The following CCNJL variants were observed in gnomAD, a reference collection of about 807,000 sequenced individuals.
CCNJL encodes the protein cyclin J like.
Under a neutral mutation model 33.4 loss-of-function variants are expected in CCNJL, and 33 were observed. That is an observed-to-expected ratio of 0.99 (90% confidence interval 0.75 to 1.32). The LOEUF (loss-of-function observed/expected upper bound fraction) is 1.32, where lower values mean the gene tolerates loss of function less well. Ranked by LOEUF, CCNJL falls within the 40% of genes most tolerant of loss-of-function variation. CCNJL has a pLI of 0.00. For missense variants in CCNJL, 512 were observed against 499.7 expected, an observed-to-expected ratio of 1.02 and a Z score of -0.23; for synonymous variants, 227 against 220.9, an observed-to-expected ratio of 1.03 and a Z score of -0.24.
intron 2 of CCNJL, among the ~76,000 whole-genome samples, chr5:160,301,358 G>A (rs2113424467): frequency 6.6e-6 from 1 of 151,982 alleles, no homozygotes; most frequent in African/African-American, 2.4e-5. Flanking sequence ...AGGACAAAAA[G>A]CACATCAGTG....
At chr5:160,331,953 T>G (rs1312565405) in intron 1 of CCNJL, among the ~76,000 whole-genome samples, 2 of 152,156 alleles carry the variant, frequency 1.3e-5, no homozygotes, top group South Asian at 2.1e-4. Flanking sequence ...ATCATAATAC[T>G]CTGGGGGTGG....
rs1228888324 is a variant in CCNJL, at chr5:160,251,739, AG to A, written c.*1638del. 1.3e-5 allele frequency: 2 copies of A among 152,204 alleles called. No homozygotes were observed. Among genetic ancestry groups the A allele is most frequent in the African/African-American group, 4.8e-5 (2 of 41,440 alleles). 9.4% of individuals were successfully genotyped at this position (152,204 alleles called of 1,614,324 possible). A position where few individuals can be genotyped will look rare whatever the true frequency, so the allele number is the denominator to read the frequency against. ...CTGTGAGGGAACCCTCACAATCCCC[AG>A]GTCCCAGAACAGACAGATACAAGAA... On this transcript the variant is annotated 3_prime_UTR_variant, in exon 6 of 6. Transcript: ENST00000257536.
intron 1 of CCNJL, among the ~76,000 whole-genome samples, chr5:160,321,679 C>T (rs1208186709): frequency 3.3e-5 from 5 of 152,132 alleles, no homozygotes; most frequent in Admixed American, 2.0e-4. Flanking sequence ...CGGTGGCTCA[C>T]GCCTGTAATC....
At chr5:160,304,974 C>T (rs901710732) in intron 2 of CCNJL, among the ~76,000 whole-genome samples, 6 of 152,024 alleles carry the variant, frequency 3.9e-5, no homozygotes, top group Non-Finnish European at 7.4e-5. Flanking sequence ...CCACCACGCC[C>T]GGCTATTTTT....
intron 1 of CCNJL, among the ~76,000 whole-genome samples, chr5:160,322,090 A>T (rs1040849137): frequency 2.0e-5 from 3 of 152,196 alleles, no homozygotes; most frequent in African/African-American, 7.2e-5. Context: ...GATCTTGAGC[A>T]TAGTTAGAAA....
chr5:160,328,234 G>T (rs946759968), intron 1 of CCNJL, among the ~76,000 whole-genome samples: 3 of 152,252 alleles, frequency 2.0e-5, no homozygotes, highest in African/African-American at 7.2e-5. Context: ...TGCCATGGAT[G>T]AGAAGTCATG....
At chr5:160,337,694 C>T (rs55909069) in intron 1 of CCNJL, among the ~76,000 whole-genome samples, 8,904 of 152,106 alleles carry the variant, frequency 0.059, 595 homozygotes, top group African/African-American at 0.16. Flanking sequence ...CATTTTGTGC[C>T]ATTGGAGATT....
At chr5:160,288,904 A>G (rs1762496332) in intron 2 of CCNJL, among the ~76,000 whole-genome samples, 1 of 151,884 alleles carries the variant, frequency 6.6e-6, no homozygotes, top group Admixed American at 6.6e-5. Flanking sequence ...CAGAAGTACT[A>G]CTAGGTTCTA....
intron 2 of CCNJL, among the ~76,000 whole-genome samples, chr5:160,291,715 A>C (rs1317464413): frequency 1.3e-5 from 2 of 152,232 alleles, no homozygotes; most frequent in African/African-American, 4.8e-5. Context: ...CGAGATTAAG[A>C]ACCACAGCTT....
intron 3 of CCNJL, chr5:160,274,846 G>A (rs1286850034): frequency 6.6e-6 from 1 of 152,306 alleles, no homozygotes; most frequent in Non-Finnish European, 1.5e-5. Flanking sequence ...GTTTTCTCAG[G>A]GACAGGCTCA....
chr5:160,333,103 A>G (rs2113483305), intron 1 of CCNJL, among the ~76,000 whole-genome samples: 1 of 151,708 alleles, frequency 6.6e-6, no homozygotes, highest in Non-Finnish European at 1.5e-5. Context: ...TGGCCAACAT[A>G]TGACTACCCA....
intron 1 of CCNJL, chr5:160,339,339 A>G (rs1283222219): frequency 3.1e-6 from 1 of 326,900 alleles, no homozygotes; most frequent in Non-Finnish European, 6.0e-6. Context: ...GTAACTCTAT[A>G]TAATGAGCAA....
chr5:160,286,752 AG>A (rs1762421386), intron 2 of CCNJL, among the ~76,000 whole-genome samples: 2 of 152,148 alleles, frequency 1.3e-5, no homozygotes, highest in African/African-American at 2.4e-5. Flanking sequence ...TGGTCTCAAG[AG>A]GGCAGGATTT....
intron 2 of CCNJL, among the ~76,000 whole-genome samples, chr5:160,281,214 T>C (rs1037496389): frequency 7.9e-5 from 12 of 152,192 alleles, no homozygotes; most frequent in Non-Finnish European, 1.8e-4. Flanking sequence ...GCAAAATGCC[T>C]AGCACACCTG....
At position 160,280,716 on chromosome 5, in the gene CCNJL, C is replaced by T. The variant is rs906026584; in HGVS notation, c.89G>A (p.Arg30Gln). 4 of 1,608,328 alleles carry T rather than the reference C, an allele frequency of 2.5e-6. No individual in the cohort carries two copies. The highest frequency in any genetic ancestry group is 1.3e-5 in the African/African-American group (1 of 74,752). Residue 30 changes from arginine to glutamine, a missense_variant, in exon 3 of 6, where the codon CGA becomes CAA. Physicochemically the swap from Arg to Gln is conservative, Grantham distance 43. Coordinates refer to ENST00000257536, the MANE Select transcript of CCNJL (RefSeq NM_001308173.3). ...GCTCTTCAGGAGTGGGGAGTGGGCTCGGAAGGTGGGCAGCTTCAGTTCCTG... is the reference window on the plus strand; with the variant it reads ...GCTCTTCAGGAGTGGGGAGTGGGCTTGGAAGGTGGGCAGCTTCAGTTCCTG... ...REKELKLPTFRAHSPLLKSRR... is the reference protein window; with the variant it reads ...REKELKLPTFQAHSPLLKSRR...
chr5:160,258,916 C>CGATGTCCT (rs1554117236), intron 4 of CCNJL, among the ~76,000 whole-genome samples: 1 of 152,164 alleles, frequency 6.6e-6, no homozygotes, highest in Non-Finnish European at 1.5e-5. Context: ...AGGATGGTCC[C>CGATGTCCT]GATCTCCTGA....
At position 160,311,956 on chromosome 5, in the gene CCNJL, G is replaced by A. The variant is rs1018529910; in HGVS notation, c.-33C>T. 2.5e-6 allele frequency: 4 copies of A among 1,607,006 alleles called. No homozygotes were observed. In the African/African-American group the frequency reaches 5.3e-5, roughly 21 times the overall value. ...GCAGCGCCGCTATCCGAGGCTACCC[G>A]GCTCTCAGGGCGCACCCTGCGTGGA... is the stretch of plus-strand genomic sequence containing the variant. On this transcript the variant is annotated 5_prime_UTR_variant, in exon 2 of 6. Coordinates refer to ENST00000257536, the MANE Select transcript of CCNJL (RefSeq NM_001308173.3).
chr5:160,263,247 C>G lies in CCNJL; in HGVS notation c.281-3476G>C, dbSNP rs532174186. Among the ~76,000 whole-genome samples the G allele has an allele frequency of 5.3e-5, 8 of 152,314 alleles. No individual in the cohort carries two copies. The South Asian group carries it at 1.7e-3, about 32-fold the overall frequency. Reference sequence around the variant, plus strand: ...ACCCCGAACACTTCAGCATCCGTTCCTGAGGTCATTTTCCTACAAATTGTA... The same window carrying G: ...ACCCCGAACACTTCAGCATCCGTTCGTGAGGTCATTTTCCTACAAATTGTA... On this transcript the variant is annotated intron_variant, in intron 3 of 5. Coordinates refer to ENST00000257536, the MANE Select transcript of CCNJL (RefSeq NM_001308173.3).
chr5:160,336,902 T>C (rs1459839129), intron 1 of CCNJL, among the ~76,000 whole-genome samples: 2 of 151,838 alleles, frequency 1.3e-5, no homozygotes, highest in Admixed American at 1.3e-4. Flanking sequence ...CATCGTTTCT[T>C]ACCTCTTTCC....
Sources: allele counts gnomAD v4.1 joint callset (sites outside exome capture counted in the v4.1 genomes callset), GRCh38; gene constraint gnomAD v4.1.1; transcripts MANE v1.5; gene names NCBI Gene and HGNC (gene_info 2026-07-23, HGNC 2026-07-21).